Variants in AGL observed in about 807,000 individuals in gnomAD.
The protein encoded by AGL is amylo-alpha-1,6-glucosidase and 4-alpha-glucanotransferase.
AGL carries 128 observed loss-of-function variants against 199.3 expected under a neutral mutation model. The ratio of observed to expected loss-of-function variants is 0.64; its 90% confidence interval spans 0.56 to 0.74. The LOEUF is 0.74. Among genes scored for constraint, AGL ranks in the 30% least tolerant of loss-of-function variants. The pLI, the probability that AGL is intolerant of heterozygous loss-of-function variation, is 0.00. For missense variants in AGL, 1,809 were observed against 1,820.8 expected, an observed-to-expected ratio of 0.99 and a Z score of 0.12; for synonymous variants, 584 against 594.7, an observed-to-expected ratio of 0.98 and a Z score of 0.26.
intron 2 of AGL, among the ~76,000 whole-genome samples, chr1:99,855,029 T>C (rs1285335820): frequency 6.6e-6 from 1 of 151,184 alleles, no homozygotes; most frequent in Non-Finnish European, 1.5e-5. Context: ...GGTGAAACCC[T>C]GTCTCTCCTA....
chr1:99,875,322 G>A (rs1182603523), intron 9 of AGL, 36 bp from the exon 10 acceptor site: 3 of 1,612,926 alleles, frequency 1.9e-6, no homozygotes, highest in Non-Finnish European at 2.5e-6. Context: ...TTGTCTTGAG[G>A]ATGGTGATGA....
chr1:99,921,818 A>G lies in AGL; in HGVS notation c.*167A>G. On this transcript the variant is annotated 3_prime_UTR_variant, in exon 34 of 34. Transcript: ENST00000361915. ...AAAGCATTGATTTTTTTTAATGTAC[A>G]GAGGTAGATTTCAATTTGAATCAGA... 1 of 461,774 alleles carries G rather than the reference A, an allele frequency of 2.2e-6. No homozygotes were observed. 28.6% of individuals were successfully genotyped at this position (461,774 alleles called of 1,614,324 possible). A position where few individuals can be genotyped will look rare whatever the true frequency, so the allele number is the denominator to read the frequency against.
intron 25 of AGL, 141 bp downstream of exon 25, chr1:99,896,529 A>G: frequency 1.4e-6 from 1 of 716,316 alleles, no homozygotes; most frequent in Non-Finnish European, 2.4e-6. Context: ...TTATTTTTGT[A>G]TGTTCACTTA....
chr1:99,885,967 T>A (rs980878146), intron 20 of AGL, among the ~76,000 whole-genome samples: 11 of 152,160 alleles, frequency 7.2e-5, no homozygotes, highest in African/African-American at 2.7e-4. Context: ...AAAGGACCAT[T>A]GGGTTAGACT....
At chr1:99,878,322 C>T (rs757780837) in intron 12 of AGL, among the ~76,000 whole-genome samples, 17 of 151,184 alleles carry the variant, frequency 1.1e-4, no homozygotes, top group South Asian at 6.3e-4. Context: ...TCCAGCCTGG[C>T]GACAGAGTGA....
At chr1:99,852,536 A>ATT (rs58176899) in intron 2 of AGL, 12,110 of 474,330 alleles carry the variant, frequency 0.026, 43 homozygotes, top group South Asian at 0.032. Flanking sequence ...TGCCCCGCTA[A>ATT]TTTTTTTTTT....
chr1:99,861,556 G>T lies in AGL; in HGVS notation c.136G>T (p.Val46Leu), dbSNP rs762935611. 2.0e-5 allele frequency: 32 copies of T among 1,613,832 alleles called. No individual in the cohort carries two copies. In the Admixed American group the frequency reaches 4.7e-4, roughly 24 times the overall value. Residue 46 changes from valine (V) to leucine (L), a missense_variant, in exon 3 of 34, where the codon GTG (valine) becomes TTG (leucine). Val to Leu is a conservative substitution (Grantham distance 32, BLOSUM62 1). Coordinates refer to ENST00000361915, the MANE Select transcript of AGL (RefSeq NM_000642.3). ...GPTLQGKAVT[V>L]YTNYPFPGET... Reference sequence around the variant, plus strand: ...AACTTTACAGGGAAAAGCAGTTACCGTGTATACAAATTACCCATTTCCTGG... The same window carrying T: ...AACTTTACAGGGAAAAGCAGTTACCTTGTATACAAATTACCCATTTCCTGG...
intron 27 of AGL, among the ~76,000 whole-genome samples, chr1:99,910,294 T>TA (rs1453161904): frequency 2.6e-5 from 4 of 152,196 alleles, no homozygotes; most frequent in African/African-American, 9.7e-5. Flanking sequence ...TCCATGTACA[T>TA]ACATTATTTA....
rs182435655 is a variant in AGL, at chr1:99,855,572, G to A, written c.82+4448G>A. On this transcript the variant is annotated intron_variant, in intron 2 of 33. Coordinates refer to ENST00000361915, the MANE Select transcript of AGL (RefSeq NM_000642.3). Reference sequence around the variant, plus strand: ...TCCCGGCACTTTGGGAGGCCGAGGCGGGTAGTTGACCTGAGATCAGGAGTT... The same window carrying A: ...TCCCGGCACTTTGGGAGGCCGAGGCAGGTAGTTGACCTGAGATCAGGAGTT... Among the ~76,000 whole-genome samples, 43 of 152,198 alleles carry A rather than the reference G, an allele frequency of 2.8e-4. No individual in the cohort carries two copies. In the East Asian group the frequency reaches 3.5e-3, roughly 12 times the overall value.
Position 99,896,391 on chromosome 1 carries a change from A to T in AGL, c.3362+3A>T. On this transcript the variant is annotated splice_donor_region_variant and intron_variant, in intron 25 of 33. Transcript: ENST00000361915. ...ACTGGACGCTATGTAGAAGCCAGGT[A>T]GGAGAGCCTCTAAAGTGTTGTACTG... is the stretch of plus-strand genomic sequence containing the variant. 1 of 1,605,088 alleles carries T rather than the reference A, an allele frequency of 6.2e-7. No homozygotes were observed. The highest frequency in any genetic ancestry group is 1.7e-4 in the Middle Eastern group (1 of 6,044).
At chr1:99,900,124 T>C (rs1173868721) in intron 25 of AGL, among the ~76,000 whole-genome samples, 1 of 151,884 alleles carries the variant, frequency 6.6e-6, no homozygotes, top group Non-Finnish European at 1.5e-5. Flanking sequence ...GAGACAGCGT[T>C]TCACCATGTT....
At chr1:99,851,222 T>C in intron 2 of AGL, 98 bp downstream of exon 2, 3 of 1,121,978 alleles carry the variant, frequency 2.7e-6, no homozygotes, top group Non-Finnish European at 4.1e-6. Context: ...AGATAAATAT[T>C]ATTTCCAAGG....
intron 13 of AGL, 70 bp downstream of exon 13, chr1:99,880,116 G>A (rs1362249267): frequency 3.8e-6 from 6 of 1,591,856 alleles, no homozygotes; most frequent in Non-Finnish European, 5.2e-6. Flanking sequence ...GGATTTAATA[G>A]CTTCATATGC....
intron 25 of AGL, among the ~76,000 whole-genome samples, chr1:99,897,333 G>C (rs1211698378): frequency 2.0e-5 from 3 of 152,160 alleles, no homozygotes; most frequent in Non-Finnish European, 4.4e-5. Flanking sequence ...GCAGAAATCT[G>C]TGTTTTCACA....
chr1:99,899,050 G>A (rs1653578169), intron 25 of AGL, among the ~76,000 whole-genome samples: 1 of 152,098 alleles, frequency 6.6e-6, no homozygotes, highest in Admixed American at 6.5e-5. Flanking sequence ...TTCAAGACCA[G>A]CCTGGGCAAC....
intron 29 of AGL, 109 bp downstream of exon 29, chr1:99,912,626 T>C (rs1246535075): frequency 3.6e-6 from 3 of 837,328 alleles, no homozygotes; most frequent in African/African-American, 3.5e-5. Context: ...ACCCTTAAAA[T>C]TAAGAAGAAA....
chr1:99,884,727 G>T lies in AGL; in HGVS notation c.2681+24G>T, dbSNP rs768997317. ...TCGTAAGTATGCCTTGTTTGGTAGA[G>T]ATTTGCCACCTTAATAAGTAAGTTA... On this transcript the variant is annotated intron_variant, in intron 20 of 33. Coordinates refer to ENST00000361915, the MANE Select transcript of AGL (RefSeq NM_000642.3). The T allele has an allele frequency of 2.5e-6, 4 of 1,613,240 alleles. No homozygotes were observed. In the East Asian group the frequency reaches 8.9e-5, roughly 36 times the overall value.
rs182811651 is a variant in AGL, at chr1:99,851,391, A to C, written c.82+267A>C. 7.4e-4 allele frequency among the ~76,000 whole-genome samples: 113 copies of C among 152,314 alleles called. 2 individuals carry two copies. The East Asian group carries it at 0.02, about 28-fold the overall frequency. On this transcript the variant is annotated intron_variant, in intron 2 of 33. Transcript: ENST00000361915. Reference sequence around the variant, plus strand: ...TAATTCCCACTTAAGATTGAAGTTAAATATATGATCAGAAGATTGCCCATA... The same window carrying C: ...TAATTCCCACTTAAGATTGAAGTTACATATATGATCAGAAGATTGCCCATA...
rs28730703 is a variant in AGL, at chr1:99,884,761, C to T, written c.2681+58C>T. Reference sequence around the variant, plus strand: ...CCTTAATAAGTAAGTTACCACTAGACTGAATTAAGCAGTTTTAAGGGTCCT... The same window carrying T: ...CCTTAATAAGTAAGTTACCACTAGATTGAATTAAGCAGTTTTAAGGGTCCT... On this transcript the variant is annotated intron_variant, in intron 20 of 33. Coordinates refer to ENST00000361915, the MANE Select transcript of AGL (RefSeq NM_000642.3). The T allele has an allele frequency of 2.4e-3, 3,799 of 1,597,448 alleles. 83 individuals carry two copies. In the African/African-American group the frequency reaches 0.045, roughly 19 times the overall value.
Sources: allele counts gnomAD v4.1 joint callset (sites outside exome capture counted in the v4.1 genomes callset), GRCh38; gene constraint gnomAD v4.1.1; transcripts MANE v1.5; gene names NCBI Gene and HGNC (gene_info 2026-07-23, HGNC 2026-07-21).